UBAP1: variants seen among roughly 807,000 people sequenced by gnomAD.
UBAP1 encodes ubiquitin associated protein 1.
Under a neutral mutation model 39.0 loss-of-function variants are expected in UBAP1, and 5 were observed. That is an observed-to-expected ratio of 0.13 (90% confidence interval 0.07 to 0.27). The LOEUF is 0.27. Among genes scored for constraint, UBAP1 ranks in the 10% least tolerant of loss-of-function variants. The pLI is 1.00. For synonymous variants in UBAP1, 211 were observed against 225.1 expected, an observed-to-expected ratio of 0.94 and a Z score of 0.56; for missense variants, 490 against 608.1, an observed-to-expected ratio of 0.81 and a Z score of 2.04.
At chr9:34,180,526 T>G (rs1001541229) in intron 1 of UBAP1, among the ~76,000 whole-genome samples, 1 of 151,846 alleles carries the variant, frequency 6.6e-6, no homozygotes, top group Non-Finnish European at 1.5e-5. Flanking sequence ...AAAAAAAGTT[T>G]ACGTATTATG....
intron 2 of UBAP1, among the ~76,000 whole-genome samples, chr9:34,230,720 T>G (rs974086586): frequency 2.0e-5 from 3 of 152,212 alleles, no homozygotes; most frequent in East Asian, 1.9e-4. Flanking sequence ...CACCCGGCAC[T>G]TTTTTGGTGG....
At chr9:34,226,305 C>G (rs1382863163) in intron 2 of UBAP1, among the ~76,000 whole-genome samples, 1 of 150,932 alleles carries the variant, frequency 6.6e-6, no homozygotes. Context: ...TCTCTGCTCA[C>G]TGCAACCTCT....
chr9:34,215,619 C>G (rs1205444866), intron 1 of UBAP1, among the ~76,000 whole-genome samples: 1 of 151,860 alleles, frequency 6.6e-6, no homozygotes, highest in Non-Finnish European at 1.5e-5. Flanking sequence ...CGAAATCTCA[C>G]AAATCACCAC....
At chr9:34,233,782 A>G (rs942798759) in intron 2 of UBAP1, among the ~76,000 whole-genome samples, 1 of 152,170 alleles carries the variant, frequency 6.6e-6, no homozygotes, top group Non-Finnish European at 1.5e-5. Flanking sequence ...CCTCACTGAG[A>G]GGGTAACATT....
chr9:34,217,783 CTTTTTTTTTTT>C (rs750494361), intron 1 of UBAP1, among the ~76,000 whole-genome samples: 191 of 41,238 alleles, frequency 4.6e-3, no homozygotes, highest in African/African-American at 8.1e-3. Context: ...GGATTTCGTT[CTTTTTTTTTTT>C]TTTTTTTTTT....
intron 1 of UBAP1, among the ~76,000 whole-genome samples, chr9:34,196,645 A>G (rs1377861247): frequency 1.3e-5 from 2 of 151,352 alleles, no homozygotes; most frequent in Non-Finnish European, 2.9e-5. Context: ...CGGTCTCACT[A>G]TGTTGCCCTG....
chr9:34,233,008 TGTTCTG>T (rs1833506892), intron 2 of UBAP1, among the ~76,000 whole-genome samples: 1 of 152,178 alleles, frequency 6.6e-6, no homozygotes, highest in Admixed American at 6.5e-5. Flanking sequence ...TAGATGGTCA[TGTTCTG>T]GTCTTTCCAT....
intron 1 of UBAP1, among the ~76,000 whole-genome samples, chr9:34,208,760 A>G (rs1831856414): frequency 8.0e-6 from 1 of 125,738 alleles, no homozygotes; most frequent in African/African-American, 2.9e-5. Flanking sequence ...CCTGGGCGAC[A>G]GAGTGAGACT....
At chr9:34,235,253 GTTA>G (rs1227082689) in intron 3 of UBAP1, among the ~76,000 whole-genome samples, 5 of 151,988 alleles carry the variant, frequency 3.3e-5, no homozygotes, top group Admixed American at 6.5e-5. Flanking sequence ...GTAAGTTAGA[GTTA>G]TTATTTAGAG....
At chr9:34,192,468 T>C (rs1328254934) in intron 1 of UBAP1, among the ~76,000 whole-genome samples, 1 of 136,184 alleles carries the variant, frequency 7.3e-6, no homozygotes, top group Non-Finnish European at 1.5e-5. Context: ...TGAGCCGAGG[T>C]CACGCCACTG....
chr9:34,240,711 C>T (rs922520493), intron 3 of UBAP1, among the ~76,000 whole-genome samples: 16 of 150,352 alleles, frequency 1.1e-4, no homozygotes, highest in Admixed American at 1.3e-4. Flanking sequence ...AGTCAGACTG[C>T]CTGGGTTCAA....
At position 34,249,930 on chromosome 9, in the gene UBAP1, C is replaced by T. The variant is rs1415293865; in HGVS notation, c.1235C>T (p.Ala412Val). The T allele has an allele frequency of 6.2e-7, 1 of 1,614,168 alleles. No individual in the cohort carries two copies. The highest frequency in any genetic ancestry group is 2.2e-5 in the East Asian group (1 of 44,880). ...MGYSYECVLR[A>V]MKKKGENIEQ... The stretch of plus-strand genomic sequence containing the variant: ...TACTCGTACGAGTGTGTCCTCAGAG[C>T]CATGAAGAAGAAAGGAGAGAATATT... Residue 412 changes from alanine to valine, a missense_variant, in exon 5 of 7, where the codon GCC (alanine) becomes GTC (valine). Around this residue, in one of 3 missense-constraint regions of UBAP1, gnomAD observed 339 missense variants for 390.0 expected, o/e 0.87. Transcript: ENST00000297661.
rs188368384 is a variant in UBAP1, at chr9:34,217,007, A to T, written c.-7-3901A>T. Among the ~76,000 whole-genome samples, 23 of 149,880 alleles carry T rather than the reference A, an allele frequency of 1.5e-4. No individual in the cohort carries two copies. The East Asian group carries it at 4.3e-3, about 28-fold the overall frequency. ...TCATTCATCAACTTCTCCCCATCCC[A>T]CTCCCTGCCCTTCCCTTTACTACCC... is the stretch of plus-strand genomic sequence containing the variant. On this transcript the variant is annotated intron_variant, in intron 1 of 6. Coordinates refer to ENST00000297661, the MANE Select transcript of UBAP1 (RefSeq NM_016525.5).
At chr9:34,227,348 G>A (rs1833159180) in intron 2 of UBAP1, among the ~76,000 whole-genome samples, 1 of 151,914 alleles carries the variant, frequency 6.6e-6, no homozygotes, top group South Asian at 2.1e-4. Flanking sequence ...AGGAGGCGCT[G>A]ATGGCTTTAA....
At chr9:34,181,333 G>T (rs1342156693) in intron 1 of UBAP1, among the ~76,000 whole-genome samples, 1 of 148,458 alleles carries the variant, frequency 6.7e-6, no homozygotes, top group Non-Finnish European at 1.5e-5. Context: ...AGCCAGGATG[G>T]TGTCCATCTG....
intron 1 of UBAP1, among the ~76,000 whole-genome samples, chr9:34,203,906 G>C (rs1831537440): frequency 6.6e-6 from 1 of 152,088 alleles, no homozygotes; most frequent in Admixed American, 6.6e-5. Flanking sequence ...TTCACATGAT[G>C]GAAACAGAAT....
intron 1 of UBAP1, chr9:34,201,643 C>T (rs543772030): frequency 6.6e-6 from 1 of 152,126 alleles, no homozygotes; most frequent in Non-Finnish European, 1.5e-5. Context: ...CAATTATCAA[C>T]ACAGAAAAAG....
chr9:34,222,453 A>G (rs976302904), intron 2 of UBAP1, among the ~76,000 whole-genome samples: 1 of 152,082 alleles, frequency 6.6e-6, no homozygotes, highest in Admixed American at 6.6e-5. Context: ...CCTATTATTT[A>G]TGGATTATTA....
intron 3 of UBAP1, 30 bp downstream of exon 3, chr9:34,234,370 T>G: frequency 6.4e-7 from 1 of 1,571,550 alleles, no homozygotes; most frequent in Non-Finnish European, 8.6e-7. Flanking sequence ...TAAAGTTTAG[T>G]GCATTTAAAA....
Sources: allele counts gnomAD v4.1 joint callset (sites outside exome capture counted in the v4.1 genomes callset), GRCh38; gene constraint gnomAD v4.1.1; regional missense constraint gnomAD v4.1.1; transcripts MANE v1.5; gene names NCBI Gene and HGNC (gene_info 2026-07-23, HGNC 2026-07-21).